Variants in PCDHGC3 observed in about 807,000 individuals in gnomAD.
The protein encoded by PCDHGC3 is protocadherin gamma-C3.
In PCDHGC3, 26 loss-of-function variants were observed where a neutral mutation model predicts 59.2. The ratio of observed to expected loss-of-function variants is 0.44; its 90% CI spans 0.32 to 0.61. PCDHGC3 has a LOEUF of 0.61. PCDHGC3 is among the 20% of genes least tolerant of loss of function. PCDHGC3 has a pLI of 0.05. For missense variants in PCDHGC3, 1,080 were observed against 1,221.8 expected, an observed-to-expected ratio of 0.88 and a Z score of 1.73; for synonymous variants, 487 against 519.7, an observed-to-expected ratio of 0.94 and a Z score of 0.86.
chr5:141,503,343 T>C (rs558650835), intron 2 of PCDHGC3, among the ~76,000 whole-genome samples: 87 of 152,106 alleles, frequency 5.7e-4, no homozygotes, highest in South Asian at 1.2e-3. Flanking sequence ...ACGCCTGTAA[T>C]TCCAGCACTT....
rs1301787934 is a variant in PCDHGC3 at position 141,476,164 on chromosome 5, A to G, written c.48A>G (p.Val16=). Reference sequence around the variant, plus strand: ...GCGGACTGGTAAGCACCGGGAGGGTAGTGGGAGTTTTGCTTCTGCTTGGTG... The same window carrying G: ...GCGGACTGGTAAGCACCGGGAGGGTGGTGGGAGTTTTGCTTCTGCTTGGTG... ...WRSGLVSTGR[V]VGVLLLLGAL... is the part of the protein sequence containing the mutation. Residue 16 remains valine (V), a synonymous_variant, in exon 1 of 4, where the codon GTA becomes GTG. Transcript: ENST00000308177. This position sits in a 1 kb window ranked among gnomAD's most constrained non-coding sequence, Gnocchi z 7.6. 6.2e-7 allele frequency: 1 copy of G among 1,613,116 alleles called. No individual in the cohort carries two copies.
At position 141,476,669 on chromosome 5, in the gene PCDHGC3, C is replaced by G; in HGVS notation, c.553C>G (p.Gln185Glu). ...AAATGAATACTTTGCGCTTCGCGTGCAGACGCGGGAGGACAGCACCAAGTA... is the reference window on the plus strand; with the variant it reads ...AAATGAATACTTTGCGCTTCGCGTGGAGACGCGGGAGGACAGCACCAAGTA... ...SRNEYFALRV[Q>E]TREDSTKYAE... Residue 185 changes from glutamine (Q) to glutamate (E), a missense_variant, in exon 1 of 4, where the codon CAG becomes GAG. Gln to Glu is a conservative substitution (Grantham distance 29). Coordinates refer to ENST00000308177, the MANE Select transcript of PCDHGC3 (RefSeq NM_002588.4). This position sits in a 1 kb window ranked among gnomAD's most constrained non-coding sequence, Gnocchi z 7.6. 6.2e-7 allele frequency: 1 copy of G among 1,614,246 alleles called. No individual in the cohort carries two copies. The highest frequency in any genetic ancestry group is 1.1e-5 in the South Asian group (1 of 91,086).
At chr5:141,480,649 C>A (rs2099522804) in intron 1 of PCDHGC3, among the ~76,000 whole-genome samples, 1 of 152,184 alleles carries the variant, frequency 6.6e-6, no homozygotes, top group Non-Finnish European at 1.5e-5. Flanking sequence ...AACTTGGTTG[C>A]ACATTAAAAT....
chr5:141,491,072 C>T lies in PCDHGC3; in HGVS notation c.2431-3735C>T, dbSNP rs778221466. The T allele has an allele frequency of 6.2e-7, 1 of 1,614,204 alleles. No individual in the cohort carries two copies. Among genetic ancestry groups the T allele is most frequent in the South Asian group, 1.1e-5 (1 of 91,086 alleles). On this transcript the variant is annotated intron_variant, in intron 1 of 3. Coordinates refer to ENST00000308177, the MANE Select transcript of PCDHGC3 (RefSeq NM_002588.4). The surrounding 1 kb of genome is among the most constrained non-coding windows in gnomAD (Gnocchi z 6.9). ...GCGTGGCTCTCCTACTCACTGTTGCCACAGTCCACAGCCCCAGGACTGTTC... is the reference window on the plus strand; with the variant it reads ...GCGTGGCTCTCCTACTCACTGTTGCTACAGTCCACAGCCCCAGGACTGTTC...
chr5:141,495,900 G>A (rs1403705200), intron 2 of PCDHGC3, among the ~76,000 whole-genome samples: 2 of 151,894 alleles, frequency 1.3e-5, no homozygotes, highest in East Asian at 1.9e-4. Context: ...CTTTGTCTCT[G>A]TCTCTGTATA....
In PCDHGC3 at chr5:141,491,354, C is replaced by T. The variant is rs2099710960; in HGVS notation, c.2431-3453C>T. The T allele has an allele frequency of 6.2e-7, 1 of 1,614,166 alleles. No homozygotes were observed. Among genetic ancestry groups the T allele is most frequent in the South Asian group, 1.1e-5 (1 of 91,088 alleles). On this transcript the variant is annotated intron_variant, in intron 1 of 3. Coordinates refer to ENST00000308177, the MANE Select transcript of PCDHGC3 (RefSeq NM_002588.4). This position sits in a 1 kb window ranked among gnomAD's most constrained non-coding sequence, Gnocchi z 6.9. ...GCTCTAGCGACCGTCAGTCTCTTAT[C>T]CCTAGTCACCTTCACCTTTCTGTCA...
Position 141,511,451 on chromosome 5 carries a change from A to G in PCDHGC3, c.*278A>G, listed in dbSNP as rs2099883797. On this transcript the variant is annotated 3_prime_UTR_variant, in exon 4 of 4. Coordinates refer to ENST00000308177, the MANE Select transcript of PCDHGC3 (RefSeq NM_002588.4). ...GGGGTTACTGTAGACACCAAGAACC[A>G]TTTGCCACACCCCGTTTAGTTACAG... is the stretch of plus-strand genomic sequence containing the variant. The G allele has an allele frequency of 4.9e-6, 3 of 606,372 alleles. No homozygotes were observed. Among genetic ancestry groups the G allele is most frequent in the Non-Finnish European group, 8.1e-6 (3 of 368,942 alleles). The allele number at this position is 606,372 out of a possible 1,614,324, so 37.6% of individuals were successfully genotyped here.
chr5:141,486,346 C>G lies in PCDHGC3; in HGVS notation c.2430+7800C>G. 1 of 1,614,120 alleles carries G rather than the reference C, an allele frequency of 6.2e-7. No individual in the cohort carries two copies. Among genetic ancestry groups the G allele is most frequent in the East Asian group, 2.2e-5 (1 of 44,874 alleles). ...GAGATGTGAGCCTCCGCATTCCTGA[C>G]CACTTGCCATTTGCCCTCAAGTCTG... On this transcript the variant is annotated intron_variant, in intron 1 of 3. Coordinates refer to ENST00000308177, the MANE Select transcript of PCDHGC3 (RefSeq NM_002588.4). This position sits in a 1 kb window ranked among gnomAD's most constrained non-coding sequence, Gnocchi z 5.0.
At chr5:141,508,756 C>A (rs890362975) in intron 3 of PCDHGC3, among the ~76,000 whole-genome samples, 2 of 151,904 alleles carry the variant, frequency 1.3e-5, no homozygotes, top group African/African-American at 4.8e-5. Flanking sequence ...CTTTCTCTGG[C>A]GCCTCTGAGG....
chr5:141,491,014 G>A lies in PCDHGC3; in HGVS notation c.2431-3793G>A, dbSNP rs761902295. On this transcript the variant is annotated intron_variant, in intron 1 of 3. Transcript: ENST00000308177. This position sits in a 1 kb window ranked among gnomAD's most constrained non-coding sequence, Gnocchi z 6.9. ...TCCTCCTGGCTCCTTGGTCACCAAG[G>A]TGACAGCCGTGGATGCTGATGCAGG... 6 of 1,614,134 alleles carry A rather than the reference G, an allele frequency of 3.7e-6. No individual in the cohort carries two copies. Among genetic ancestry groups the A allele is most frequent in the Non-Finnish European group, 4.2e-6 (5 of 1,180,044 alleles).
Position 141,485,468 on chromosome 5 carries a change from A to G in PCDHGC3, c.2430+6922A>G. On this transcript the variant is annotated intron_variant, in intron 1 of 3. Coordinates refer to ENST00000308177, the MANE Select transcript of PCDHGC3 (RefSeq NM_002588.4). This position sits in a 1 kb window ranked among gnomAD's most constrained non-coding sequence, Gnocchi z 5.7. The stretch of plus-strand genomic sequence containing the variant: ...CGACCGAGAGGCACTGTGTGGGCTC[A>G]GTGCCAGCTGCATCGTGCCCCTGGA... 1 of 1,614,166 alleles carries G rather than the reference A, an allele frequency of 6.2e-7. No homozygotes were observed. Among genetic ancestry groups the G allele is most frequent in the Non-Finnish European group, 8.5e-7 (1 of 1,180,020 alleles).
chr5:141,496,888 T>TA (rs35063790), intron 2 of PCDHGC3, among the ~76,000 whole-genome samples: 34,968 of 133,936 alleles, frequency 0.26, 4,377 homozygotes, highest in Admixed American at 0.34. Flanking sequence ...AAGTAACACT[T>TA]AAAAAAAAAA....
chr5:141,494,897 C>T (rs1194879883), intron 2 of PCDHGC3, 32 bp downstream of exon 2: 2 of 1,614,122 alleles, frequency 1.2e-6, no homozygotes, highest in South Asian at 2.2e-5. Flanking sequence ...CCACCCTCTT[C>T]TCTGCGGCAT....
rs3074545 is a variant in PCDHGC3, at chr5:141,482,530, C to CAAAAAAA, written c.2430+3997_2430+4003dup. On this transcript the variant is annotated intron_variant, in intron 1 of 3. Coordinates refer to ENST00000308177, the MANE Select transcript of PCDHGC3 (RefSeq NM_002588.4). ...CAGAGTACAGTATGAGACAGACATG[C>CAAAAAAA]AAAAAAAAAAAAAAAAAAAGATAAT... Among the ~76,000 whole-genome samples the CAAAAAAA allele has an allele frequency of 6.5e-4, 50 of 76,534 alleles. 2 individuals are homozygous for CAAAAAAA. The highest frequency in any genetic ancestry group is 1.7e-3 in the African/African-American group (35 of 20,860). 50.2% of individuals were successfully genotyped at this position (76,534 alleles called of 152,430 possible).
Position 141,511,042 on chromosome 5 carries a change from G to C in PCDHGC3, c.2674G>C (p.Asp892His), listed in dbSNP as rs774071540. Residue 892 changes from aspartate (D) to histidine (H), a missense_variant, in exon 4 of 4, where the codon GAC becomes CAC. Transcript: ENST00000308177. Reference sequence around the variant, plus strand: ...CCAGTTCACCCTGCAGCACGTGCCCGACTACCGCCAGAATGTCTACATCCC... The same window carrying C: ...CCAGTTCACCCTGCAGCACGTGCCCCACTACCGCCAGAATGTCTACATCCC... ...GPQFTLQHVP[D>H]YRQNVYIPGS... 6.2e-7 allele frequency: 1 copy of C among 1,614,182 alleles called. No homozygotes were observed. Among genetic ancestry groups the C allele is most frequent in the South Asian group, 1.1e-5 (1 of 91,084 alleles).
rs141556649 is a variant in PCDHGC3 at position 141,492,225 on chromosome 5, C to T, written c.2431-2582C>T. ...GTGTGCGCGCGGGGCTCATGCGTGT[C>T]CTCCCTGCTGGCCACCCCCACGGCC... On this transcript the variant is annotated intron_variant, in intron 1 of 3. Transcript: ENST00000308177. Among the ~76,000 whole-genome samples the T allele has an allele frequency of 2.4e-3, 361 of 152,274 alleles. No individual in the cohort carries two copies. In the Middle Eastern group the frequency reaches 0.024, roughly 10 times the overall value.
chr5:141,490,890 G>C lies in PCDHGC3; in HGVS notation c.2431-3917G>C, dbSNP rs751713801. The C allele has an allele frequency of 9.9e-6, 16 of 1,613,306 alleles. No homozygotes were observed. The South Asian group carries it at 1.2e-4, about 12-fold the overall frequency. On this transcript the variant is annotated intron_variant, in intron 1 of 3. Transcript: ENST00000308177. This position sits in a 1 kb window ranked among gnomAD's most constrained non-coding sequence, Gnocchi z 5.4. ...CCCCATTGCATGCCAACACATCTCT[G>C]CATGTGTTTGTCCTAGACGAGAATG...
At position 141,490,551 on chromosome 5, in the gene PCDHGC3, T is replaced by A; in HGVS notation, c.2431-4256T>A. On this transcript the variant is annotated intron_variant, in intron 1 of 3. Coordinates refer to ENST00000308177, the MANE Select transcript of PCDHGC3 (RefSeq NM_002588.4). This position sits in a 1 kb window ranked among gnomAD's most constrained non-coding sequence, Gnocchi z 5.4. ...CTGGTTCACCTTCCCTACACAAACA[T>A]CTCACCATCAGGCTCAACATTTCAG... is the stretch of plus-strand genomic sequence containing the variant. 1 of 1,614,088 alleles carries A rather than the reference T, an allele frequency of 6.2e-7. No individual in the cohort carries two copies. Among genetic ancestry groups the A allele is most frequent in the East Asian group, 2.2e-5 (1 of 44,874 alleles).
At position 141,486,827 on chromosome 5, in the gene PCDHGC3, C is replaced by G. The variant is rs758132181; in HGVS notation, c.2431-7980C>G. 1.2e-6 allele frequency: 2 copies of G among 1,614,228 alleles called. No homozygotes were observed. Among genetic ancestry groups the G allele is most frequent in the Admixed American group, 1.7e-5 (1 of 60,034 alleles). On this transcript the variant is annotated intron_variant, in intron 1 of 3. Transcript: ENST00000308177. This position sits in a 1 kb window ranked among gnomAD's most constrained non-coding sequence, Gnocchi z 5.0. ...ACCCCTTAGCAGCACTGTAACAGTTCGTCTATTTGTGCTGGACCTCAATGA... is the reference window on the plus strand; with the variant it reads ...ACCCCTTAGCAGCACTGTAACAGTTGGTCTATTTGTGCTGGACCTCAATGA...
Sources: allele counts gnomAD v4.1 joint callset (sites outside exome capture counted in the v4.1 genomes callset), GRCh38; gene constraint gnomAD v4.1.1; non-coding constraint Gnocchi (gnomAD v3.1); transcripts MANE v1.5; gene names NCBI Gene and HGNC (gene_info 2026-07-23, HGNC 2026-07-21).